The following HSPA4 variants were observed in gnomAD, a reference collection of about 807,000 sequenced individuals.
The protein encoded by HSPA4 is heat shock 70 kDa protein 4.
HSPA4 carries 25 observed loss-of-function variants against 106.2 expected under a neutral mutation model. That is an observed-to-expected ratio of 0.24 (90% CI 0.17 to 0.33). The LOEUF (loss-of-function observed/expected upper bound fraction) is 0.33, where lower values mean the gene tolerates loss of function less well. Ranked by LOEUF, HSPA4 falls within the 10% of genes least tolerant of loss-of-function variation. The pLI, the probability that HSPA4 is intolerant of heterozygous loss-of-function variation, is 1.00. For synonymous variants in HSPA4, 332 were observed against 333.6 expected (o/e 1.00, Z 0.05); for missense variants, 841 against 996.0 (o/e 0.84, Z 2.10).
chr5:133,063,300 A>G (rs1383460919), intron 1 of HSPA4, among the ~76,000 whole-genome samples: 1 of 141,166 alleles, frequency 7.1e-6, no homozygotes, highest in African/African-American at 2.6e-5. Flanking sequence ...TTTTTTTTTT[A>G]TAGAGACAGG....
At chr5:133,087,530 G>A (rs775848676) in intron 8 of HSPA4, among the ~76,000 whole-genome samples, 2 of 152,192 alleles carry the variant, frequency 1.3e-5, no homozygotes, top group Non-Finnish European at 2.9e-5. Context: ...AGGAAATCAG[G>A]TGATATTAAG....
At chr5:133,059,228 G>A (rs1270013124) in intron 1 of HSPA4, among the ~76,000 whole-genome samples, 1 of 148,788 alleles carries the variant, frequency 6.7e-6, no homozygotes, top group East Asian at 2.0e-4. Flanking sequence ...CGGGCGGTTC[G>A]CCTGAGGTCA....
chr5:133,090,322 T>G (rs1040570935), intron 11 of HSPA4, among the ~76,000 whole-genome samples: 2 of 148,740 alleles, frequency 1.3e-5, no homozygotes, highest in Admixed American at 1.4e-4. Flanking sequence ...TCCCAGCTAC[T>G]TGGGAGGCTG....
chr5:133,076,674 C>T lies in HSPA4; in HGVS notation c.684C>T (p.Asp228=). ...GKLKVLATAF[D]TTLGGRKFDE... is the part of the protein sequence containing the mutation. ...TTAAGGTTCTGGCCACTGCATTTGA[C>T]ACGACATTGGGAGGTAGAAAATTTG... is the stretch of plus-strand genomic sequence containing the variant. Residue 228 remains aspartate, a synonymous_variant, in exon 7 of 19, where the codon GAC becomes GAT. Coordinates refer to ENST00000304858, the MANE Select transcript of HSPA4 (RefSeq NM_002154.4). The T allele has an allele frequency of 6.2e-7, 1 of 1,613,386 alleles. No homozygotes were observed. Among genetic ancestry groups the T allele is most frequent in the Non-Finnish European group, 8.5e-7 (1 of 1,179,490 alleles).
In HSPA4 at chr5:133,089,991, A is replaced by C. The variant is rs1057320832; in HGVS notation, c.1378+296A>C. On this transcript the variant is annotated intron_variant, in intron 11 of 18. Coordinates refer to ENST00000304858, the MANE Select transcript of HSPA4 (RefSeq NM_002154.4). ...TCGTTAGCAGGTTTAGAACCAGCCA[A>C]ATGGCTGTTATTTAATTGGATCTCC... Among the ~76,000 whole-genome samples the C allele has an allele frequency of 4.6e-5, 7 of 152,222 alleles. No individual in the cohort carries two copies. In the East Asian group the frequency reaches 9.6e-4, roughly 21 times the overall value.
chr5:133,059,980 G>T (rs1765218027), intron 1 of HSPA4, among the ~76,000 whole-genome samples: 1 of 151,798 alleles, frequency 6.6e-6, no homozygotes. Context: ...TGCTTATTCC[G>T]TGTCAAAATC....
In HSPA4 at chr5:133,092,723, A is replaced by G. The variant is rs759663275; in HGVS notation, c.1584A>G (p.Glu528=). 8 of 1,612,848 alleles carry G rather than the reference A, an allele frequency of 5.0e-6. No homozygotes were observed. In the South Asian group the frequency reaches 6.6e-5, roughly 13 times the overall value. The change falls in exon 13 of 19, where the codon GAA becomes GAG. Residue 528 remains glutamate, a synonymous_variant. Coordinates refer to ENST00000304858, the MANE Select transcript of HSPA4 (RefSeq NM_002154.4). ...AGAAGATGCAAGTGGACCAGGAGGA[A>G]CCACATGTTGAAGAGCAACAGCAGC... ...EEEKMQVDQE[E]PHVEEQQQQT... is the part of the protein sequence containing the mutation.
At position 133,088,941 on chromosome 5, in the gene HSPA4, T is replaced by A. The variant is rs1765611889; in HGVS notation, c.1138-114T>A. On this transcript the variant is annotated intron_variant, in intron 9 of 18. Transcript: ENST00000304858. ...TTCAGACACCATTAAATTACTAATA[T>A]AAATATTTTAAAAAGACCATTGATT... is the stretch of plus-strand genomic sequence containing the variant. 7 of 542,500 alleles carry A rather than the reference T, an allele frequency of 1.3e-5. No individual in the cohort carries two copies. The Middle Eastern group carries it at 2.6e-3, about 201-fold the overall frequency. The allele number at this position is 542,500 out of a possible 1,614,324, so 33.6% of individuals were successfully genotyped here. A position where few individuals can be genotyped will look rare whatever the true frequency, so the allele number is the denominator to read the frequency against.
intron 10 of HSPA4, 127 bp downstream of exon 10, chr5:133,089,288 CATTT>C: frequency 1.6e-6 from 1 of 613,618 alleles, no homozygotes; most frequent in Non-Finnish European, 2.7e-6. Context: ...AGGAAGTGGT[CATTT>C]ATTTTAGTCA....
chr5:133,078,854 C>T (rs886107843), intron 7 of HSPA4, among the ~76,000 whole-genome samples: 2 of 151,998 alleles, frequency 1.3e-5, no homozygotes, highest in African/African-American at 2.4e-5. Context: ...CTGCCTCAGT[C>T]TCCTGAGTAG....
At chr5:133,073,474 G>A in intron 5 of HSPA4, 145 bp downstream of exon 5, 2 of 610,224 alleles carry the variant, frequency 3.3e-6, no homozygotes, top group East Asian at 2.8e-5. Flanking sequence ...TTTGGATACT[G>A]TGTCACTTGT....
intron 15 of HSPA4, among the ~76,000 whole-genome samples, chr5:133,097,549 C>CTTT (rs551499462): frequency 1.6e-5 from 2 of 127,580 alleles, no homozygotes; most frequent in African/African-American, 3.1e-5. Context: ...CTTTTCTTTT[C>CTTT]TTTTTTTTTT....
At chr5:133,100,571 G>C (rs1466039589) in intron 16 of HSPA4, among the ~76,000 whole-genome samples, 1 of 152,006 alleles carries the variant, frequency 6.6e-6, no homozygotes, top group Admixed American at 6.5e-5. Context: ...AGGCCTAGGC[G>C]GGCGGATCAC....
At position 133,092,745 on chromosome 5, in the gene HSPA4, C is replaced by T; in HGVS notation, c.1606C>T (p.Gln536Ter). 1 of 1,608,752 alleles carries T rather than the reference C, an allele frequency of 6.2e-7. No homozygotes were observed. The highest frequency in any genetic ancestry group is 8.5e-7 in the Non-Finnish European group (1 of 1,178,204). The change falls in exon 13 of 19, where the codon CAG (glutamine) becomes TAG (stop). Residue 536 changes from glutamine (Q) to a stop codon, truncating the protein, a stop_gained. Coordinates refer to ENST00000304858, the MANE Select transcript of HSPA4 (RefSeq NM_002154.4). LOFTEE classifies it high-confidence loss of function. ...QEEPHVEEQQ[Q>*]QTPAENKAES... The stretch of plus-strand genomic sequence containing the variant: ...GGAACCACATGTTGAAGAGCAACAG[C>T]AGCAGACACCAGCAGAAAATAAGGC...
Position 133,052,104 on chromosome 5 carries a change from G to A in HSPA4, c.-147G>A, listed in dbSNP as rs1192450070. On this transcript the variant is annotated 5_prime_UTR_variant, in exon 1 of 19. Coordinates refer to ENST00000304858, the MANE Select transcript of HSPA4 (RefSeq NM_002154.4). ...GCGCTCTCGGTTGCAGTACCCACTG[G>A]AAGGACTTAGGCGCTCGCGTGGACA... The A allele has an allele frequency of 6.7e-6, 4 of 601,488 alleles. No individual in the cohort carries two copies. The highest frequency in any genetic ancestry group is 1.2e-5 in the Non-Finnish European group (4 of 341,230). The allele number at this position is 601,488 out of a possible 1,614,324, so 37.3% of individuals were successfully genotyped here.
chr5:133,093,652 G>A lies in HSPA4; in HGVS notation c.1650+863G>A, dbSNP rs372558017. Reference sequence around the variant, plus strand: ...ACTACAGGCGTGCACCATCACGCCCGGATAATTTCTGTATTTTTAGTAGAG... The same window carrying A: ...ACTACAGGCGTGCACCATCACGCCCAGATAATTTCTGTATTTTTAGTAGAG... On this transcript the variant is annotated intron_variant, in intron 13 of 18. Transcript: ENST00000304858. Among the ~76,000 whole-genome samples the A allele has an allele frequency of 2.6e-5, 4 of 152,070 alleles. No homozygotes were observed. The South Asian group carries it at 6.2e-4, about 24-fold the overall frequency.
chr5:133,079,073 C>G (rs555776884), intron 7 of HSPA4, among the ~76,000 whole-genome samples: 2 of 152,114 alleles, frequency 1.3e-5, no homozygotes, highest in African/African-American at 4.8e-5. Flanking sequence ...TTGTTTAAAT[C>G]GATGAAACCA....
intron 15 of HSPA4, among the ~76,000 whole-genome samples, chr5:133,099,122 C>T (rs1765752221): frequency 6.6e-6 from 1 of 151,892 alleles, no homozygotes; most frequent in African/African-American, 2.4e-5. Flanking sequence ...CTCCTTACTC[C>T]CCCTGTATCT....
intron 15 of HSPA4, among the ~76,000 whole-genome samples, chr5:133,097,911 GTTT>G (rs1315201113): frequency 7.1e-6 from 1 of 141,494 alleles, no homozygotes; most frequent in Admixed American, 7.1e-5. Flanking sequence ...AGAATTTTTA[GTTT>G]TTTTTTTTTT....
Sources: gnomAD v4.1 joint callset for allele counts (sites outside exome capture counted in the v4.1 genomes callset) on GRCh38, gnomAD v4.1.1 for gene constraint, MANE v1.5 for transcripts, NCBI Gene and HGNC (gene_info 2026-07-23, HGNC 2026-07-21) for gene names.